The following TPP2 variants were observed in gnomAD, a reference collection of about 807,000 sequenced individuals.
TPP2 encodes the protein tripeptidyl peptidase 2, also known as tripeptidyl-peptidase 2.
In TPP2, 34 loss-of-function variants were observed where a neutral mutation model predicts 155.9. That is an observed-to-expected ratio of 0.22 (90% CI 0.17 to 0.29). TPP2 has a LOEUF of 0.29. TPP2 is among the 10% of genes least tolerant of loss of function. The probability of loss-of-function intolerance (pLI) is 1.00; values close to 1 mark genes in which losing one functional copy is unlikely to be tolerated. For synonymous variants in TPP2, 510 were observed against 529.4 expected (o/e 0.96, Z 0.50); for missense variants, 1,028 against 1,522.3 (o/e 0.68, Z 5.40).
At chr13:102,634,234 T>C (rs140511405) in intron 11 of TPP2, 136 bp downstream of exon 11, 10 of 1,185,254 alleles carry the variant, frequency 8.4e-6, no homozygotes, top group Middle Eastern at 2.4e-4. Context: ...GAATAACTTA[T>C]GTGATAATGA....
chr13:102,678,129 A>G, intron 29 of TPP2, 98 bp from the exon 30 acceptor site: 1 of 1,192,270 alleles, frequency 8.4e-7, no homozygotes, highest in Non-Finnish European at 1.2e-6. Context: ...ATATGCTACT[A>G]CCTTACTGTT....
At chr13:102,629,900 A>G (rs145774424) in intron 9 of TPP2, among the ~76,000 whole-genome samples, 196 bp from the exon 10 acceptor site, 109 of 152,330 alleles carry the variant, frequency 7.2e-4, no homozygotes, top group African/African-American at 2.4e-3. Flanking sequence ...GGTATTTTGT[A>G]TCCAAAAGCA....
intron 4 of TPP2, among the ~76,000 whole-genome samples, chr13:102,617,956 A>G (rs747002426): frequency 2.0e-4 from 30 of 152,226 alleles, no homozygotes; most frequent in Non-Finnish European, 3.4e-4. Context: ...TTAATATAGT[A>G]ACATAGTCTA....
chr13:102,651,363 A>G lies in TPP2; in HGVS notation c.2957A>G (p.Gln986Arg), dbSNP rs1883477377. ...SKTELGKKAG[Q>R]SAAKRQGKFK... ...GAATGTCGTTCTAACTCCCAGGGGC[A>G]GTCTGCAGCAAAACGACAAGGAAAA... The change falls in exon 24 of 30, where the codon CAG becomes CGG. Residue 986 changes from glutamine to arginine, a missense_variant. Coordinates refer to ENST00000376052, the MANE Select transcript of TPP2 (RefSeq NM_001330588.2). 1.9e-6 allele frequency: 3 copies of G among 1,583,442 alleles called. No individual in the cohort carries two copies. Among genetic ancestry groups the G allele is most frequent in the Non-Finnish European group, 1.7e-6 (2 of 1,163,788 alleles).
At position 102,596,990 on chromosome 13, in the gene TPP2, C is replaced by T. The variant is rs745878760; in HGVS notation, c.-49C>T. ...CACGGGTGTCCTCGCGCTGCTAGTC[C>T]GCGCGCAGCCTGGCAGTTTGCCGCT... On this transcript the variant is annotated 5_prime_UTR_variant, in exon 1 of 30. Coordinates refer to ENST00000376052, the MANE Select transcript of TPP2 (RefSeq NM_001330588.2). 3.1e-6 allele frequency: 5 copies of T among 1,595,862 alleles called. No individual in the cohort carries two copies. The highest frequency in any genetic ancestry group is 2.6e-6 in the Non-Finnish European group (3 of 1,171,744).
intron 10 of TPP2, among the ~76,000 whole-genome samples, chr13:102,633,308 G>A (rs1882145558): frequency 6.6e-6 from 1 of 152,198 alleles, no homozygotes; most frequent in South Asian, 2.1e-4. Flanking sequence ...AGTCAGGGAC[G>A]TGAGGTTAGT....
intron 3 of TPP2, among the ~76,000 whole-genome samples, chr13:102,615,172 C>T (rs1238993751): frequency 2.0e-5 from 3 of 152,162 alleles, no homozygotes; most frequent in East Asian, 1.9e-4. Context: ...AAGAATAATG[C>T]GTATAACTTC....
intron 27 of TPP2, among the ~76,000 whole-genome samples, chr13:102,670,810 G>T (rs1259452500): frequency 6.6e-6 from 1 of 152,096 alleles, no homozygotes; most frequent in Non-Finnish European, 1.5e-5. Context: ...ACTTTTTAAG[G>T]TCTTACTGAC....
chr13:102,607,991 T>C (rs555001446), intron 2 of TPP2: 12 of 152,902 alleles, frequency 7.8e-5, no homozygotes, highest in African/African-American at 2.6e-4. Flanking sequence ...GTGTACCATA[T>C]GTATTGCTAT....
At chr13:102,639,293 A>G (rs773836720) in intron 15 of TPP2, among the ~76,000 whole-genome samples, 10 of 152,190 alleles carry the variant, frequency 6.6e-5, no homozygotes, top group Non-Finnish European at 1.0e-4. Context: ...GAAATTCTAA[A>G]CTAACAGTTC....
chr13:102,609,437 G>C (rs892238276), intron 2 of TPP2, among the ~76,000 whole-genome samples: 8 of 98,694 alleles, frequency 8.1e-5, no homozygotes, highest in African/African-American at 3.0e-4. Flanking sequence ...TGGTCTTGTT[G>C]CCCAGACTGG....
intron 28 of TPP2, 108 bp from the exon 29 acceptor site, chr13:102,676,188 T>G: frequency 9.3e-7 from 1 of 1,077,840 alleles, no homozygotes; most frequent in East Asian, 2.9e-5. Flanking sequence ...TGTACCATAT[T>G]CATTTCAAAA....
chr13:102,654,637 C>T (rs689358), intron 24 of TPP2, among the ~76,000 whole-genome samples: 75,380 of 151,956 alleles, frequency 0.5, 19,096 homozygotes, highest in African/African-American at 0.6. Context: ...CTCCCTGATA[C>T]GGTGAGGAGG....
Position 102,640,336 on chromosome 13 carries a change from A to G in TPP2, c.1980A>G (p.Arg660=), listed in dbSNP as rs761613898. The change falls in exon 16 of 30, where the codon CGA becomes CGG. Residue 660 remains arginine, a synonymous_variant. Coordinates refer to ENST00000376052, the MANE Select transcript of TPP2 (RefSeq NM_001330588.2). ...TACACTTTAAACCTGGTCAAATTCGAAGGCATTTTATTGAGGTTCCTGAGG... is the reference window on the plus strand; with the variant it reads ...TACACTTTAAACCTGGTCAAATTCGGAGGCATTTTATTGAGGTTCCTGAGG... ...TDVHFKPGQI[R]RHFIEVPEGA... 11 of 1,613,586 alleles carry G rather than the reference A, an allele frequency of 6.8e-6. No homozygotes were observed. In the Admixed American group the frequency reaches 1.8e-4, roughly 27 times the overall value.
chr13:102,655,246 A>C (rs1883777948), intron 24 of TPP2, among the ~76,000 whole-genome samples: 1 of 152,168 alleles, frequency 6.6e-6, no homozygotes, highest in African/African-American at 2.4e-5. Flanking sequence ...GAAAATATTT[A>C]AAATGGGAAT....
intron 18 of TPP2, 79 bp from the exon 19 acceptor site, chr13:102,644,830 T>C (rs528466208): frequency 8.6e-6 from 13 of 1,517,398 alleles, no homozygotes; most frequent in Non-Finnish European, 1.2e-5. Flanking sequence ...AACTTTATAT[T>C]GGACACATTT....
intron 25 of TPP2, among the ~76,000 whole-genome samples, chr13:102,658,600 T>C (rs630272): frequency 6.6e-6 from 1 of 152,024 alleles, no homozygotes; most frequent in Admixed American, 6.5e-5. Flanking sequence ...CAAAGGACAT[T>C]GAGCAAATGA....
rs891933239 is a variant in TPP2, at chr13:102,637,305, C to A, written c.1836+66C>A. The A allele has an allele frequency of 6.0e-6, 9 of 1,507,284 alleles. No individual in the cohort carries two copies. In the African/African-American group the frequency reaches 1.0e-4, roughly 17 times the overall value. 93.4% of individuals were successfully genotyped at this position (1,507,284 alleles called of 1,614,324 possible). A position where few individuals can be genotyped will look rare whatever the true frequency, so the allele number is the denominator to read the frequency against. On this transcript the variant is annotated intron_variant, in intron 14 of 29. Transcript: ENST00000376052. Reference sequence around the variant, plus strand: ...AATGTTTAAAAGGTTAAAAAAAAATCCAAAGTATATTTGCAATATATTGCT... The same window carrying A: ...AATGTTTAAAAGGTTAAAAAAAAATACAAAGTATATTTGCAATATATTGCT...
chr13:102,636,901 G>A (rs1882418643), intron 13 of TPP2, among the ~76,000 whole-genome samples, 181 bp from the exon 14 acceptor site: 1 of 152,140 alleles, frequency 6.6e-6, no homozygotes, highest in Non-Finnish European at 1.5e-5. Context: ...AAGTATAAAT[G>A]AATCATGAGT....
Sources: gnomAD v4.1 joint callset for allele counts (sites outside exome capture counted in the v4.1 genomes callset) on GRCh38, gnomAD v4.1.1 for gene constraint, MANE v1.5 for transcripts, NCBI Gene and HGNC (gene_info 2026-07-23, HGNC 2026-07-21) for gene names.